RAD54B: variants seen among roughly 807,000 people sequenced by gnomAD.
RAD54B encodes RAD54 homolog B.
In RAD54B, 78 loss-of-function variants were observed where a neutral mutation model predicts 95.8. The ratio of observed to expected loss-of-function variants is 0.81; its 90% CI spans 0.68 to 0.98. RAD54B has a LOEUF of 0.98. Among genes scored for constraint, RAD54B ranks in the 50% least tolerant of loss-of-function variants. RAD54B has a pLI of 0.00. For missense variants in RAD54B, 957 were observed against 1,056.6 expected (o/e 0.91, Z 1.31); for synonymous variants, 328 against 354.9 (o/e 0.92, Z 0.85).
chr8:94,395,941 A>C (rs1429675075), intron 8 of RAD54B, among the ~76,000 whole-genome samples: 3 of 152,184 alleles, frequency 2.0e-5, no homozygotes, highest in Non-Finnish European at 4.4e-5. Flanking sequence ...AGCACATCTG[A>C]TTCAGATCAT....
At position 94,380,355 on chromosome 8, in the gene RAD54B, T is replaced by C. The variant is rs892848962; in HGVS notation, c.2037A>G (p.Val679=). The part of the protein sequence containing the change: ...YTQTLNILQE[V]CKRHGYAYTR... ...TATAAGCATATCCATGACGCTTACA[T>C]ACTTCTTGTAAAATGTTCAAGGTTT... is the stretch of plus-strand genomic sequence containing the variant. Residue 679 remains valine, a synonymous_variant, in exon 12 of 15, where the codon GTA becomes GTG. Transcript: ENST00000336148. 6 of 1,613,778 alleles carry C rather than the reference T, an allele frequency of 3.7e-6. No individual in the cohort carries two copies. The African/African-American group carries it at 4.0e-5, about 11-fold the overall frequency.
At position 94,429,804 on chromosome 8, in the gene RAD54B, C is replaced by T; in HGVS notation, c.305-18489G>A. The T allele has an allele frequency of 7.1e-6, 7 of 985,138 alleles. No individual in the cohort carries two copies. The South Asian group carries it at 3.3e-4, about 46-fold the overall frequency. The allele number at this position is 985,138 out of a possible 1,614,324, so 61.0% of individuals were successfully genotyped here. Reference sequence around the variant, plus strand: ...GCTATAAAACACCCTCTTTTTAATCCAACCAATGAAATTAAGTAGTCAACA... The same window carrying T: ...GCTATAAAACACCCTCTTTTTAATCTAACCAATGAAATTAAGTAGTCAACA... On this transcript the variant is annotated intron_variant, in intron 3 of 14. Transcript: ENST00000336148.
intron 3 of RAD54B, chr8:94,431,896 A>T (rs1271063569): frequency 8.4e-7 from 1 of 1,193,918 alleles, no homozygotes; most frequent in African/African-American, 1.6e-5. Context: ...TTGTAAGGTC[A>T]ACAATTAAAC....
chr8:94,471,885 TAAATAAAAATTTTAA>T (rs913426114), intron 1 of RAD54B, among the ~76,000 whole-genome samples: 3 of 151,820 alleles, frequency 2.0e-5, no homozygotes, highest in African/African-American at 4.8e-5. Flanking sequence ...TTTTTAAAAG[TAAATAAAAATTTTAA>T]AAATAAAAAT....
chr8:94,436,756 A>G (rs1166006673), intron 3 of RAD54B: 1 of 1,550,578 alleles, frequency 6.4e-7, no homozygotes, highest in Non-Finnish European at 8.7e-7. Context: ...TTCTACTATT[A>G]CTGAATGTTT....
At chr8:94,436,954 T>C (rs1812282189) in intron 3 of RAD54B, 2 of 1,450,276 alleles carry the variant, frequency 1.4e-6, no homozygotes, top group African/African-American at 1.4e-5. Flanking sequence ...CAGAAAAAGA[T>C]CAGGCTTAAC....
chr8:94,407,181 A>G (rs2130028128), intron 5 of RAD54B, among the ~76,000 whole-genome samples: 1 of 152,290 alleles, frequency 6.6e-6, no homozygotes, highest in South Asian at 2.1e-4. Context: ...ATACACATAC[A>G]ATTTAGATAT....
chr8:94,389,095 TAAATC>T (rs913334809), intron 10 of RAD54B, among the ~76,000 whole-genome samples: 1 of 152,148 alleles, frequency 6.6e-6, no homozygotes, highest in Non-Finnish European at 1.5e-5. Context: ...TGGTGAATAT[TAAATC>T]AGAGTACAGG....
chr8:94,405,572 A>G (rs1811367195), intron 5 of RAD54B, among the ~76,000 whole-genome samples: 1 of 152,200 alleles, frequency 6.6e-6, no homozygotes, highest in Non-Finnish European at 1.5e-5. Context: ...CCTGTTAGGT[A>G]GGAGACTAGG....
intron 8 of RAD54B, among the ~76,000 whole-genome samples, chr8:94,395,847 G>A (rs1269117842): frequency 6.6e-6 from 1 of 152,206 alleles, no homozygotes; most frequent in East Asian, 1.9e-4. Context: ...TGGCAGAGCA[G>A]AAGACATAAC....
At chr8:94,464,862 A>G (rs929231616) in intron 2 of RAD54B, among the ~76,000 whole-genome samples, 1 of 152,088 alleles carries the variant, frequency 6.6e-6, no homozygotes, top group Non-Finnish European at 1.5e-5. Flanking sequence ...GGCAGAAGGT[A>G]AAGGGGGAAA....
intron 14 of RAD54B, among the ~76,000 whole-genome samples, chr8:94,374,593 A>G (rs1418360397): frequency 6.6e-6 from 1 of 152,202 alleles, no homozygotes; most frequent in Non-Finnish European, 1.5e-5. Flanking sequence ...GGGAAAAGAT[A>G]GACCAGACAA....
chr8:94,376,008 C>T (rs1006801607), intron 14 of RAD54B, among the ~76,000 whole-genome samples: 1 of 152,034 alleles, frequency 6.6e-6, no homozygotes, highest in African/African-American at 2.4e-5. Context: ...AAATATATTA[C>T]CGATTCAAAA....
chr8:94,383,284 C>CAA (rs34552024), intron 11 of RAD54B, among the ~76,000 whole-genome samples: 844 of 83,122 alleles, frequency 0.01, 46 homozygotes, highest in African/African-American at 0.028. Flanking sequence ...GACTCCATCT[C>CAA]AAAAAAAAAA....
chr8:94,412,132 TTCTG>T (rs2130041977), intron 3 of RAD54B, among the ~76,000 whole-genome samples: 1 of 152,296 alleles, frequency 6.6e-6, no homozygotes, highest in Non-Finnish European at 1.5e-5. Context: ...ATAATTGTCT[TTCTG>T]TGTCCAGCTT....
chr8:94,432,572 C>T (rs1246724139), intron 3 of RAD54B: 2 of 1,550,234 alleles, frequency 1.3e-6, no homozygotes, highest in Admixed American at 3.9e-5. Flanking sequence ...CTTGCTTCAC[C>T]TCCACTGTAA....
rs1424734945 is a variant in RAD54B, at chr8:94,372,395, A to G, written c.2516-8T>C. ...ATTTTTCCAACGAATCACCTGTAAT[A>G]AGTAAAACAATGAGAAAATCCTTAG... On this transcript the variant is annotated splice_region_variant and splice_polypyrimidine_tract_variant and intron_variant, in intron 14 of 14. Coordinates refer to ENST00000336148, the MANE Select transcript of RAD54B (RefSeq NM_012415.3). 6.2e-7 allele frequency: 1 copy of G among 1,609,818 alleles called. No homozygotes were observed. The highest frequency in any genetic ancestry group is 1.3e-5 in the African/African-American group (1 of 74,716).
intron 11 of RAD54B, among the ~76,000 whole-genome samples, chr8:94,382,745 G>A (rs1178261657): frequency 6.6e-6 from 1 of 152,134 alleles, no homozygotes; most frequent in East Asian, 1.9e-4. Flanking sequence ...TCTCGTGATA[G>A]GGAGTGAGTT....
rs970953833 is a variant in RAD54B, at chr8:94,436,375, A to T, written c.304+21893T>A. Reference sequence around the variant, plus strand: ...TCTTTTTAAAAAATGCAAAACAAAGACACTATTCATTGCTCCCGTTGTGGG... The same window carrying T: ...TCTTTTTAAAAAATGCAAAACAAAGTCACTATTCATTGCTCCCGTTGTGGG... On this transcript the variant is annotated intron_variant, in intron 3 of 14. Transcript: ENST00000336148. 43 of 1,268,674 alleles carry T rather than the reference A, an allele frequency of 3.4e-5. 1 individual carries two copies. In the Middle Eastern group the frequency reaches 1.3e-3, roughly 39 times the overall value. The allele number at this position is 1,268,674 out of a possible 1,614,324, so 78.6% of individuals were successfully genotyped here.
Sources: gnomAD v4.1 joint callset for allele counts (sites outside exome capture counted in the v4.1 genomes callset) on GRCh38, gnomAD v4.1.1 for gene constraint, MANE v1.5 for transcripts, NCBI Gene and HGNC (gene_info 2026-07-23, HGNC 2026-07-21) for gene names.